The following MROH9 variants were observed in gnomAD, a reference collection of about 807,000 sequenced individuals.
MROH9 encodes maestro heat like repeat family member 9.
In MROH9, 92 loss-of-function variants were observed where a neutral mutation model predicts 98.2. The ratio of observed to expected loss-of-function variants is 0.94; its 90% CI spans 0.79 to 1.11. MROH9 has a LOEUF of 1.11. Among genes scored for constraint, MROH9 ranks in the 50% most tolerant of loss-of-function variants. The pLI is 0.00. For missense variants in MROH9, 1,057 were observed against 1,014.8 expected, an observed-to-expected ratio of 1.04 and a Z score of -0.57; for synonymous variants, 397 against 368.9, an observed-to-expected ratio of 1.08 and a Z score of -0.87.
chr1:170,985,847 C>T (rs575734843), intron 9 of MROH9, among the ~76,000 whole-genome samples: 1 of 151,922 alleles, frequency 6.6e-6, no homozygotes, highest in Non-Finnish European at 1.5e-5. Flanking sequence ...TCACTCAGAC[C>T]TTAGTTCTGC....
intron 8 of MROH9, among the ~76,000 whole-genome samples, chr1:170,972,293 G>C (rs1035208953): frequency 1.3e-5 from 2 of 152,164 alleles, no homozygotes; most frequent in African/African-American, 4.8e-5. Flanking sequence ...TAAAATAAAT[G>C]TTGCTGTGGC....
intron 6 of MROH9, among the ~76,000 whole-genome samples, chr1:170,962,670 C>T (rs185364356): frequency 6.6e-6 from 1 of 151,822 alleles, no homozygotes; most frequent in East Asian, 1.9e-4. Context: ...TTTATGAATA[C>T]AAAAAGGAAT....
intron 20 of MROH9, among the ~76,000 whole-genome samples, chr1:171,039,646 C>G (rs567170243): frequency 6.6e-6 from 1 of 152,114 alleles, no homozygotes; most frequent in East Asian, 1.9e-4. Flanking sequence ...CCAGCTAACT[C>G]TCAGTAATTT....
chr1:170,941,597 C>A (rs1368285932), intron 1 of MROH9, among the ~76,000 whole-genome samples: 1 of 152,192 alleles, frequency 6.6e-6, no homozygotes, highest in African/African-American at 2.4e-5. Flanking sequence ...GGCAACTGCA[C>A]TCATCTTTCC....
chr1:171,024,404 G>A lies in MROH9; in HGVS notation c.1918G>A (p.Gly640Ser). ...CCTTTGTCTTTTACAGATTAATGGA[G>A]GCATTCGAAGTATGGCAATTCGACA... is the stretch of plus-strand genomic sequence containing the variant. ...YCTLMDHING[G>S]IRSMAIRHFG... The change falls in exon 18 of 22, where the codon GGC becomes AGC. Residue 640 changes from glycine (G) to serine (S), a missense_variant. Physicochemically the swap from Gly to Ser is moderately conservative, Grantham distance 56 (BLOSUM62 0). Transcript: ENST00000367759. 1.3e-6 allele frequency: 2 copies of A among 1,551,132 alleles called. No individual in the cohort carries two copies. Among genetic ancestry groups the A allele is most frequent in the Non-Finnish European group, 8.7e-7 (1 of 1,146,810 alleles).
At chr1:171,061,948 A>G (rs1016186415) in intron 20 of MROH9, among the ~76,000 whole-genome samples, 184 bp from the exon 21 acceptor site, 2 of 152,196 alleles carry the variant, frequency 1.3e-5, no homozygotes, top group Non-Finnish European at 2.9e-5. Flanking sequence ...ATGCACATTT[A>G]TACTCTCATA....
intron 20 of MROH9, among the ~76,000 whole-genome samples, chr1:171,058,744 A>G (rs1653926408): frequency 6.6e-6 from 1 of 152,250 alleles, no homozygotes; most frequent in Non-Finnish European, 1.5e-5. Context: ...AGCAATGGGG[A>G]AAGGATTTCC....
rs115940585 is a variant in MROH9, at chr1:170,989,926, G to C, written c.951G>C (p.Gln317His). ...ATTGTATGAAGGATGTTATGTTGCA[G>C]GTTATCACTTTGTTGACATGCACTT... ...DNNCMKDVML[Q>H]VITLLTCTSP... The change falls in exon 11 of 22, where the codon CAG (glutamine) becomes CAC (histidine). Residue 317 changes from glutamine (Q) to histidine (H), a missense_variant. By Grantham distance (24) the Gln-to-His change is conservative. Transcript: ENST00000367759. The C allele has an allele frequency of 6.2e-7, 1 of 1,613,304 alleles. No individual in the cohort carries two copies. Among genetic ancestry groups the C allele is most frequent in the South Asian group, 1.1e-5 (1 of 91,026 alleles).
intron 7 of MROH9, among the ~76,000 whole-genome samples, chr1:170,967,514 C>T (rs778002116): frequency 2.0e-4 from 30 of 152,120 alleles, no homozygotes; most frequent in East Asian, 1.3e-3. Flanking sequence ...ATATCATCAA[C>T]GAATATTTGT....
At chr1:170,964,460 T>C (rs1230228320) in intron 6 of MROH9, among the ~76,000 whole-genome samples, 1 of 152,078 alleles carries the variant, frequency 6.6e-6, no homozygotes, top group African/African-American at 2.4e-5. Context: ...TGGCCAACCA[T>C]TGACATAAAT....
chr1:171,059,553 G>A lies in MROH9; in HGVS notation c.2282-2579G>A, dbSNP rs540763872. Among the ~76,000 whole-genome samples the A allele has an allele frequency of 3.9e-5, 6 of 152,158 alleles. No homozygotes were observed. In the East Asian group the frequency reaches 1.2e-3, roughly 29 times the overall value. On this transcript the variant is annotated intron_variant, in intron 20 of 21. Transcript: ENST00000367759. Reference sequence around the variant, plus strand: ...CCCATTACTGGGTATATACCCAAAGGAATACAAATCATTCTCATATAAAGA... The same window carrying A: ...CCCATTACTGGGTATATACCCAAAGAAATACAAATCATTCTCATATAAAGA...
At chr1:170,952,185 A>G (rs888281880) in intron 3 of MROH9, among the ~76,000 whole-genome samples, 3 of 151,946 alleles carry the variant, frequency 2.0e-5, no homozygotes, top group African/African-American at 7.3e-5. Context: ...TGTGGAAGTC[A>G]GTGTGGCGAT....
rs1052771197 is a variant in MROH9, at chr1:170,961,786, A to C, written c.289-104A>C. ...TGTGTCACTGATTTATGTTCAAGGAATTGAAACCCAGTTAAAAGTAACTTT... is the reference window on the plus strand; with the variant it reads ...TGTGTCACTGATTTATGTTCAAGGACTTGAAACCCAGTTAAAAGTAACTTT... On this transcript the variant is annotated intron_variant, in intron 5 of 21. Coordinates refer to ENST00000367759, the MANE Select transcript of MROH9 (RefSeq NM_001163629.2). The C allele has an allele frequency of 6.0e-5, 29 of 480,780 alleles. No homozygotes were observed. The Admixed American group carries it at 7.5e-4, about 12-fold the overall frequency. The allele number at this position is 480,780 out of a possible 1,614,324, so 29.8% of individuals were successfully genotyped here. A position where few individuals can be genotyped will look rare whatever the true frequency, so the allele number is the denominator to read the frequency against.
At chr1:171,053,229 A>T (rs1653726242) in intron 20 of MROH9, among the ~76,000 whole-genome samples, 1 of 152,168 alleles carries the variant, frequency 6.6e-6, no homozygotes, top group Admixed American at 6.5e-5. Flanking sequence ...GAGGCCCAAG[A>T]CAAATGCTCA....
intron 12 of MROH9, among the ~76,000 whole-genome samples, chr1:170,992,974 C>T (rs1651414515): frequency 1.3e-5 from 2 of 152,150 alleles, no homozygotes. Context: ...TAAGGTCTTG[C>T]AGAGACAGAG....
At chr1:171,028,410 T>C (rs908044014) in intron 20 of MROH9, among the ~76,000 whole-genome samples, 3 of 152,224 alleles carry the variant, frequency 2.0e-5, no homozygotes, top group Admixed American at 2.0e-4. Context: ...ACCAGTACCA[T>C]GTTGTTTTGA....
At chr1:170,940,433 A>G (rs529818034) in intron 1 of MROH9, among the ~76,000 whole-genome samples, 11 of 152,352 alleles carry the variant, frequency 7.2e-5, no homozygotes, top group Admixed American at 4.6e-4. Context: ...CCTGAAAACT[A>G]AATTATGACA....
At chr1:170,968,561 G>A (rs1262986395) in intron 7 of MROH9, among the ~76,000 whole-genome samples, 3 of 152,002 alleles carry the variant, frequency 2.0e-5, no homozygotes, top group Non-Finnish European at 4.4e-5. Flanking sequence ...AGACCAACAA[G>A]GGTAAATAAA....
intron 8 of MROH9, among the ~76,000 whole-genome samples, chr1:170,977,460 C>T (rs1650748280): frequency 6.6e-6 from 1 of 152,092 alleles, no homozygotes; most frequent in South Asian, 2.1e-4. Flanking sequence ...TATCTGACTT[C>T]TCATCTTTGG....
Sources: allele counts gnomAD v4.1 joint callset (sites outside exome capture counted in the v4.1 genomes callset), GRCh38; gene constraint gnomAD v4.1.1; transcripts MANE v1.5; gene names NCBI Gene and HGNC (gene_info 2026-07-23, HGNC 2026-07-21).